Variants in FOXP2 observed in about 807,000 individuals in gnomAD.
FOXP2 encodes forkhead box protein P2.
FOXP2 carries 12 observed loss-of-function variants against 115.8 expected under a neutral mutation model. The ratio of observed to expected loss-of-function variants is 0.10; its 90% CI spans 0.07 to 0.17. FOXP2 has a LOEUF of 0.17. FOXP2 is among the 10% of genes least tolerant of loss of function. The pLI, the probability that FOXP2 is intolerant of heterozygous loss-of-function variation, is 1.00. For synonymous variants in FOXP2, 328 were observed against 297.7 expected (o/e 1.10, Z -1.05); for missense variants, 629 against 843.5 (o/e 0.75, Z 3.15).
At chr7:114,534,566 T>G (rs777132589) in intron 2 of FOXP2, 51 bp from the exon 3 acceptor site, 9 of 1,445,824 alleles carry the variant, frequency 6.2e-6, no homozygotes, top group Non-Finnish European at 8.8e-6. Context: ...AGATAATTGA[T>G]AACTTAACTT....
intron 2 of FOXP2, among the ~76,000 whole-genome samples, chr7:114,505,020 T>C (rs1298815872): frequency 1.3e-5 from 2 of 151,660 alleles, no homozygotes; most frequent in African/African-American, 2.4e-5. Context: ...TGGTTACTTA[T>C]CCATTCAAAT....
At chr7:114,090,775 A>G (rs776451098) in intron 1 of FOXP2, among the ~76,000 whole-genome samples, 12 of 151,208 alleles carry the variant, frequency 7.9e-5, no homozygotes, top group Non-Finnish European at 1.5e-4. Flanking sequence ...TATCAATTCT[A>G]TAGTCTTTAT....
At chr7:114,086,442 C>A, upstream of FOXP2, 1 of 341,496 alleles carries the variant, frequency 2.9e-6, no homozygotes. Flanking sequence ...ATTTATGCGG[C>A]GGCCGCGTCC....
At chr7:114,421,974 TA>T in intron 1 of FOXP2, among the ~76,000 whole-genome samples, 1 of 151,742 alleles carries the variant, frequency 6.6e-6, no homozygotes, top group Non-Finnish European at 1.5e-5. Context: ...TATTTTGAGG[TA>T]AACGTATGAG....
intron 2 of FOXP2, among the ~76,000 whole-genome samples, chr7:114,386,830 T>C (rs888884249): frequency 6.6e-6 from 1 of 152,232 alleles, no homozygotes; most frequent in African/African-American, 2.4e-5. Context: ...TTAGTTTTCT[T>C]TTTTCATATA....
intron 1 of FOXP2, among the ~76,000 whole-genome samples, chr7:114,186,700 G>A (rs1793615778): frequency 6.6e-6 from 1 of 152,172 alleles, no homozygotes; most frequent in Non-Finnish European, 1.5e-5. Context: ...GCAGTTCTTA[G>A]CCTGGGTCCC....
intron 1 of FOXP2, among the ~76,000 whole-genome samples, chr7:114,261,262 G>C (rs1310008416): frequency 6.6e-6 from 1 of 152,144 alleles, no homozygotes; most frequent in Non-Finnish European, 1.5e-5. Context: ...TTTCCCACCT[G>C]ACATGAACTC....
At chr7:114,144,226 A>G (rs1792302952) in intron 1 of FOXP2, among the ~76,000 whole-genome samples, 1 of 152,166 alleles carries the variant, frequency 6.6e-6, no homozygotes, top group Non-Finnish European at 1.5e-5. Context: ...AACCCATTGT[A>G]GGTCAAGGAG....
At chr7:114,369,196 C>T (rs999262666) in intron 2 of FOXP2, among the ~76,000 whole-genome samples, 7 of 152,204 alleles carry the variant, frequency 4.6e-5, no homozygotes, top group African/African-American at 1.7e-4. Flanking sequence ...AAGCTCTTTT[C>T]TAGTGTAGGA....
chr7:114,522,231 G>A (rs1243024127), intron 2 of FOXP2, among the ~76,000 whole-genome samples: 3 of 152,078 alleles, frequency 2.0e-5, no homozygotes, highest in South Asian at 4.1e-4. Context: ...TTGCTTCCTG[G>A]TTTGGGATTT....
upstream of FOXP2, among the ~76,000 whole-genome samples, chr7:114,162,619 C>G (rs1287837569): frequency 6.6e-6 from 1 of 151,732 alleles, no homozygotes; most frequent in Non-Finnish European, 1.5e-5. Context: ...TCCATTCAAA[C>G]TCACGGATTT....
At chr7:114,587,793 T>C (rs1802212814) in intron 3 of FOXP2, among the ~76,000 whole-genome samples, 2 of 148,326 alleles carry the variant, frequency 1.3e-5, no homozygotes, top group African/African-American at 4.9e-5. Context: ...TAAACCTGTA[T>C]AGGAAGAGGA....
At chr7:114,151,817 G>GTGC (rs1792535800) in intron 1 of FOXP2, among the ~76,000 whole-genome samples, 1 of 152,042 alleles carries the variant, frequency 6.6e-6, no homozygotes, top group Admixed American at 6.6e-5. Flanking sequence ...GGGGCATATG[G>GTGC]TGCTACCTTC....
intron 1 of FOXP2, among the ~76,000 whole-genome samples, chr7:114,096,036 C>T (rs1799640979): frequency 6.6e-6 from 1 of 152,142 alleles, no homozygotes. Context: ...TTTAGAGCTT[C>T]ATCTAGGTTG....
chr7:114,321,431 C>G (rs1359916484), intron 2 of FOXP2, among the ~76,000 whole-genome samples: 2 of 151,990 alleles, frequency 1.3e-5, no homozygotes, highest in African/African-American at 4.8e-5. Context: ...TTCTCCTGAC[C>G]TCGTGGTCTG....
chr7:114,447,710 G>C (rs533533145), intron 2 of FOXP2, among the ~76,000 whole-genome samples: 1 of 152,214 alleles, frequency 6.6e-6, no homozygotes, highest in East Asian at 1.9e-4. Context: ...ATTTCGGGGA[G>C]TCTCTATCTA....
intron 1 of FOXP2, among the ~76,000 whole-genome samples, chr7:114,142,315 C>T (rs1367577754): frequency 6.6e-6 from 1 of 152,144 alleles, no homozygotes; most frequent in Non-Finnish European, 1.5e-5. Context: ...AGCCACTGCA[C>T]CTGGCTAGAT....
At chr7:114,427,883 C>T (rs1043489887) in intron 2 of FOXP2, among the ~76,000 whole-genome samples, 1 of 151,404 alleles carries the variant, frequency 6.6e-6, no homozygotes, top group African/African-American at 2.4e-5. Context: ...AATGGTTTAT[C>T]TATTATTTTA....
chr7:114,467,243 G>C (rs1190504392), intron 2 of FOXP2, among the ~76,000 whole-genome samples: 1 of 152,098 alleles, frequency 6.6e-6, no homozygotes, highest in Non-Finnish European at 1.5e-5. Flanking sequence ...GAGGAGTGGT[G>C]GTGGTCTGCT....
Sources: allele counts gnomAD v4.1 joint callset (sites outside exome capture counted in the v4.1 genomes callset), GRCh38; gene constraint gnomAD v4.1.1; transcripts MANE v1.5; gene names NCBI Gene and HGNC (gene_info 2026-07-23, HGNC 2026-07-21).